SLC35F4: variants seen among roughly 807,000 people sequenced by gnomAD.
SLC35F4 encodes the protein solute carrier family 35 member F4, also known as chromosome 14 open reading frame 36.
SLC35F4 carries 24 observed loss-of-function variants against 44.2 expected under a neutral mutation model. The observed-to-expected ratio is 0.54, with a 90% CI of 0.39 to 0.76. The LOEUF (loss-of-function observed/expected upper bound fraction) is 0.76, where lower values mean the gene tolerates loss of function less well. Ranked by LOEUF, SLC35F4 falls within the 30% of genes least tolerant of loss-of-function variation. The pLI is 0.00. For synonymous variants in SLC35F4, 238 were observed against 223.6 expected (o/e 1.06, Z -0.57); for missense variants, 562 against 586.1 (o/e 0.96, Z 0.42).
intron 1 of SLC35F4, among the ~76,000 whole-genome samples, chr14:57,786,033 C>T (rs2077749061): frequency 6.6e-6 from 1 of 152,076 alleles, no homozygotes; most frequent in Non-Finnish European, 1.5e-5. Context: ...TTTTCAAGCC[C>T]CCCTCACCCT....
At chr14:57,679,222 A>G (rs2074805056) in intron 1 of SLC35F4, among the ~76,000 whole-genome samples, 1 of 152,108 alleles carries the variant, frequency 6.6e-6, no homozygotes, top group Non-Finnish European at 1.5e-5. Flanking sequence ...TAAGAAACTC[A>G]CTCAAAACCG....
intron 1 of SLC35F4, among the ~76,000 whole-genome samples, chr14:57,819,051 AT>A (rs1214654534): frequency 6.6e-6 from 1 of 152,188 alleles, no homozygotes; most frequent in South Asian, 2.1e-4. Flanking sequence ...ATTTAAAAAA[AT>A]TTTTTGAGGG....
intron 1 of SLC35F4, among the ~76,000 whole-genome samples, chr14:57,751,718 A>C (rs2076887830): frequency 6.6e-6 from 1 of 152,190 alleles, no homozygotes. Flanking sequence ...ACAAAAATGG[A>C]AGAACATTAG....
chr14:57,614,144 T>G (rs900812424), intron 1 of SLC35F4, among the ~76,000 whole-genome samples: 1 of 151,956 alleles, frequency 6.6e-6, no homozygotes, highest in Non-Finnish European at 1.5e-5. Context: ...ATCCCATTAT[T>G]GCTAAAATAC....
chr14:57,763,918 A>G (rs1459860681), intron 1 of SLC35F4, among the ~76,000 whole-genome samples: 3 of 152,334 alleles, frequency 2.0e-5, no homozygotes, highest in Non-Finnish European at 4.4e-5. Context: ...TACTTGACCA[A>G]TAAAATGTGA....
chr14:57,698,037 G>A (rs1208920448), intron 1 of SLC35F4, among the ~76,000 whole-genome samples: 1 of 152,158 alleles, frequency 6.6e-6, no homozygotes, highest in Admixed American at 6.5e-5. Flanking sequence ...TTGTGCTTCA[G>A]TTCTTCACAT....
At chr14:57,979,815 G>A (rs1881324797) in intron 1 of SLC35F4, among the ~76,000 whole-genome samples, 1 of 150,578 alleles carries the variant, frequency 6.6e-6, no homozygotes, top group Non-Finnish European at 1.5e-5. Context: ...GCTGGAGTCA[G>A]CTGACACTGA....
chr14:57,630,717 G>A (rs1037856801), intron 1 of SLC35F4: 34 of 548,322 alleles, frequency 6.2e-5, no homozygotes, highest in Admixed American at 1.1e-4. Flanking sequence ...ATTTTTAGGC[G>A]TGTGTCATTC....
chr14:57,815,363 T>C (rs1036980796), intron 1 of SLC35F4, among the ~76,000 whole-genome samples: 4 of 152,190 alleles, frequency 2.6e-5, no homozygotes, highest in African/African-American at 9.7e-5. Context: ...TTGCCATAAG[T>C]TGGTCATACG....
At chr14:57,597,234 T>G (rs1029856200) in intron 1 of SLC35F4, among the ~76,000 whole-genome samples, 3 of 152,194 alleles carry the variant, frequency 2.0e-5, no homozygotes, top group African/African-American at 7.2e-5. Context: ...GTGAGTAAAC[T>G]GTATTAGGAG....
At chr14:57,955,331 G>A (rs574484777) in intron 1 of SLC35F4, among the ~76,000 whole-genome samples, 101 of 152,194 alleles carry the variant, frequency 6.6e-4, no homozygotes, top group Non-Finnish European at 1.2e-3. Context: ...CCCACAGCCA[G>A]TATCATACTG....
intron 1 of SLC35F4, among the ~76,000 whole-genome samples, chr14:57,949,124 A>G (rs1362371230): frequency 6.6e-6 from 1 of 152,006 alleles, no homozygotes; most frequent in Admixed American, 6.6e-5. Context: ...TGTCAATGAG[A>G]TATTGAAATC....
chr14:57,602,418 A>G (rs901021794), intron 1 of SLC35F4: 1 of 152,144 alleles, frequency 6.6e-6, no homozygotes, highest in African/African-American at 2.4e-5. Flanking sequence ...ACCTAGGGGG[A>G]AGATAACTAT....
At position 57,801,534 on chromosome 14, in the gene SLC35F4, C is replaced by A. The variant is rs142352514; in HGVS notation, c.103+64189G>T. ...AATACTAACTTCAAATGTAAATGGG[C>A]TAAATGTCCCCTTTAAAAGACACAG... On this transcript the variant is annotated intron_variant, in intron 1 of 7. Coordinates refer to ENST00000556826, the MANE Select transcript of SLC35F4 (RefSeq NM_001306087.2). 3.9e-3 allele frequency among the ~76,000 whole-genome samples: 589 copies of A among 152,234 alleles called. 1 individual carries two copies. Among genetic ancestry groups the A allele is most frequent in the African/African-American group, 0.014 (563 of 41,528 alleles).
chr14:57,687,063 G>C (rs2075088588), intron 1 of SLC35F4, among the ~76,000 whole-genome samples: 1 of 152,190 alleles, frequency 6.6e-6, no homozygotes. Flanking sequence ...TGAAGACACA[G>C]TGAGAAGGTT....
intron 1 of SLC35F4, among the ~76,000 whole-genome samples, chr14:57,951,984 T>C (rs1890149982): frequency 6.6e-6 from 1 of 152,226 alleles, no homozygotes; most frequent in East Asian, 1.9e-4. Context: ...TCGTGCCTCC[T>C]GATTGGGAAA....
At chr14:57,629,764 G>A in intron 1 of SLC35F4, 1 of 285,484 alleles carries the variant, frequency 3.5e-6, no homozygotes, top group South Asian at 3.7e-5. Context: ...CAGGAAGCAG[G>A]GACAGAGCTC....
At chr14:57,855,329 C>A (rs1886976625) in intron 1 of SLC35F4, among the ~76,000 whole-genome samples, 1 of 151,678 alleles carries the variant, frequency 6.6e-6, no homozygotes, top group Non-Finnish European at 1.5e-5. Context: ...AGAACTTAAA[C>A]AAATTTACAA....
At chr14:57,566,269 C>G (rs1336344741) in intron 7 of SLC35F4, among the ~76,000 whole-genome samples, 1 of 152,142 alleles carries the variant, frequency 6.6e-6, no homozygotes, top group Non-Finnish European at 1.5e-5. Context: ...AAAGCACAAC[C>G]AAGTAAAAAC....
Sources: allele counts gnomAD v4.1 joint callset (sites outside exome capture counted in the v4.1 genomes callset), GRCh38; gene constraint gnomAD v4.1.1; transcripts MANE v1.5; gene names NCBI Gene and HGNC (gene_info 2026-07-23, HGNC 2026-07-21).